WWTR1: variants seen among roughly 807,000 people sequenced by gnomAD.
WWTR1 encodes the protein WW domain-containing transcription regulator protein 1.
A neutral mutation model predicts 40.1 loss-of-function variants in WWTR1; 13 were observed. That is an observed-to-expected ratio of 0.32 (90% confidence interval 0.21 to 0.52). The LOEUF (loss-of-function observed/expected upper bound fraction) is 0.52, where lower values mean the gene tolerates loss of function less well. WWTR1 is among the 20% of genes least tolerant of loss of function. The pLI is 0.97. For missense variants in WWTR1, 436 were observed against 523.1 expected, an observed-to-expected ratio of 0.83 and a Z score of 1.63; for synonymous variants, 230 against 210.1, an observed-to-expected ratio of 1.09 and a Z score of -0.82.
chr3:149,662,189 A>C (rs989319824), upstream of WWTR1, among the ~76,000 whole-genome samples: 2 of 152,164 alleles, frequency 1.3e-5, no homozygotes, highest in African/African-American at 4.8e-5. Context: ...AAAAAAAACA[A>C]AAAACCCTGA....
intron 3 of WWTR1, among the ~76,000 whole-genome samples, chr3:149,561,234 T>A (rs2107975001): frequency 6.6e-6 from 1 of 152,272 alleles, no homozygotes; most frequent in Middle Eastern, 3.4e-3. Flanking sequence ...GCATTATTGG[T>A]TAAATAAATT....
intron 2 of WWTR1, among the ~76,000 whole-genome samples, chr3:149,605,399 G>A (rs919596174): frequency 2.0e-5 from 3 of 152,162 alleles, no homozygotes; most frequent in Admixed American, 6.5e-5. Context: ...AAGGGAGCAG[G>A]TTATGGAGGA....
intron 1 of WWTR1, among the ~76,000 whole-genome samples, chr3:149,676,246 C>T (rs988350621): frequency 1.4e-4 from 15 of 108,316 alleles, no homozygotes; most frequent in Non-Finnish European, 2.7e-4. Context: ...TCTGATTTCC[C>T]CAAAAAGAGA....
intron 2 of WWTR1, among the ~76,000 whole-genome samples, chr3:149,634,490 C>T (rs1238140657): frequency 1.3e-5 from 2 of 152,192 alleles, no homozygotes; most frequent in African/African-American, 4.8e-5. Flanking sequence ...CATTTTTTCC[C>T]GTTTATTTAT....
chr3:149,650,426 T>A (rs375441458), intron 2 of WWTR1, among the ~76,000 whole-genome samples: 197 of 152,246 alleles, frequency 1.3e-3, no homozygotes, highest in African/African-American at 4.5e-3. Context: ...TACTTAACAG[T>A]AAAATGAGGT....
At chr3:149,654,357 A>G (rs1713072739) in intron 2 of WWTR1, among the ~76,000 whole-genome samples, 1 of 152,266 alleles carries the variant, frequency 6.6e-6, no homozygotes, top group South Asian at 2.1e-4. Context: ...CTCTTGGCAG[A>G]TTGCTTATCC....
At chr3:149,545,563 C>A (rs1242769224) in intron 3 of WWTR1, among the ~76,000 whole-genome samples, 1 of 152,110 alleles carries the variant, frequency 6.6e-6, no homozygotes, top group East Asian at 1.9e-4. Context: ...ACTCTATCAC[C>A]CAGGCTGGAG....
At chr3:149,564,487 C>CTTT (rs11311722) in intron 3 of WWTR1, among the ~76,000 whole-genome samples, 4 of 143,444 alleles carry the variant, frequency 2.8e-5, no homozygotes, top group African/African-American at 2.6e-5. Flanking sequence ...TGTTCTCACT[C>CTTT]TTTTTTTTTT....
intron 2 of WWTR1, among the ~76,000 whole-genome samples, chr3:149,644,483 G>A (rs1576618380): frequency 6.6e-6 from 1 of 152,070 alleles, no homozygotes; most frequent in Non-Finnish European, 1.5e-5. Context: ...CAGCAGAGAC[G>A]TCACTTTCTT....
At chr3:149,693,631 AAC>A (rs1244865325) in intron 1 of WWTR1, among the ~76,000 whole-genome samples, 1 of 152,164 alleles carries the variant, frequency 6.6e-6, no homozygotes, top group Admixed American at 6.5e-5. Flanking sequence ...ATAAAACAGA[AAC>A]ACAGACCAAT....
At chr3:149,617,004 A>C (rs941454650) in intron 2 of WWTR1, among the ~76,000 whole-genome samples, 4 of 152,160 alleles carry the variant, frequency 2.6e-5, no homozygotes, top group African/African-American at 4.8e-5. Flanking sequence ...GTCACCAAGA[A>C]AATGCGAAAC....
intron 2 of WWTR1, among the ~76,000 whole-genome samples, chr3:149,608,890 A>C (rs1013696649): frequency 3.3e-5 from 5 of 151,932 alleles, no homozygotes; most frequent in Non-Finnish European, 7.4e-5. Flanking sequence ...CTGTCTTTAC[A>C]AAAGAAAAAA....
At chr3:149,619,162 T>TA (rs1457503194) in intron 2 of WWTR1, among the ~76,000 whole-genome samples, 2 of 152,104 alleles carry the variant, frequency 1.3e-5, no homozygotes, top group African/African-American at 4.8e-5. Context: ...ATTTAGCTGA[T>TA]AAGAAACAGC....
intron 2 of WWTR1, among the ~76,000 whole-genome samples, chr3:149,586,709 C>A (rs1283704964): frequency 1.3e-5 from 2 of 152,142 alleles, no homozygotes; most frequent in Admixed American, 1.3e-4. Context: ...CAGGGGGAAC[C>A]AACCACATGG....
At chr3:149,561,599 T>G (rs1309125096) in intron 3 of WWTR1, among the ~76,000 whole-genome samples, 1 of 152,204 alleles carries the variant, frequency 6.6e-6, no homozygotes, top group Non-Finnish European at 1.5e-5. Flanking sequence ...GGCTGCACAC[T>G]GTGGCATTGT....
chr3:149,525,448 TA>T (rs1024253522), intron 6 of WWTR1, among the ~76,000 whole-genome samples: 93 of 143,010 alleles, frequency 6.5e-4, no homozygotes, highest in Middle Eastern at 3.6e-3. Flanking sequence ...AAAGATGAAT[TA>T]AAAAAAAAAA....
rs561882195 is a variant in WWTR1, at chr3:149,542,434, C to A, written c.672G>T (p.Ala224=). ...GCTGCTGCTGCTGCTGAGTGGTCAG[C>A]GCATTGGGCATACTCATGAGCCCTG... is the stretch of plus-strand genomic sequence containing the variant. ...PPAGLMSMPN[A]LTTQQQQQQK... is the part of the protein sequence containing the mutation. The change falls in exon 4 of 7, where the codon GCG becomes GCT. Residue 224 remains alanine (A), a synonymous_variant. Transcript: ENST00000360632. 6.2e-7 allele frequency: 1 copy of A among 1,614,068 alleles called. No homozygotes were observed. The highest frequency in any genetic ancestry group is 1.1e-5 in the South Asian group (1 of 91,074).
intron 2 of WWTR1, among the ~76,000 whole-genome samples, chr3:149,586,001 C>G (rs187959206): frequency 3.4e-4 from 51 of 152,214 alleles, no homozygotes; most frequent in Non-Finnish European, 4.6e-4. Flanking sequence ...AAACTCCAAA[C>G]AGTAAGTATC....
At chr3:149,587,050 T>C (rs906468840) in intron 2 of WWTR1, among the ~76,000 whole-genome samples, 1 of 152,296 alleles carries the variant, frequency 6.6e-6, no homozygotes, top group East Asian at 1.9e-4. Context: ...GTTATGTGAG[T>C]CATTCTAGCA....
Sources: allele counts gnomAD v4.1 joint callset (sites outside exome capture counted in the v4.1 genomes callset), GRCh38; gene constraint gnomAD v4.1.1; transcripts MANE v1.5; gene names NCBI Gene and HGNC (gene_info 2026-07-23, HGNC 2026-07-21).